WAS: variants seen among roughly 807,000 people sequenced by gnomAD.
The protein encoded by WAS is actin nucleation-promoting factor WAS.
Under a neutral mutation model 38.9 loss-of-function variants are expected in WAS, and 1 was observed. That is an observed-to-expected ratio of 0.03 (90% CI 0.01 to 0.12). The LOEUF is 0.12. WAS is among the 10% of genes least tolerant of loss of function. The probability of loss-of-function intolerance (pLI) is 1.00; values close to 1 mark genes in which losing one functional copy is unlikely to be tolerated. For missense variants in WAS, 311 were observed against 431.2 expected, an observed-to-expected ratio of 0.72 and a Z score of 2.47; for synonymous variants, 182 against 173.6, an observed-to-expected ratio of 1.05 and a Z score of -0.38.
chrX:48,686,340 G>C (rs938393716), intron 6 of WAS, among the ~76,000 whole-genome samples: 1 of 111,193 alleles, frequency 9.0e-6, no homozygotes, highest in African/African-American at 3.3e-5. Flanking sequence ...ATTGATGGGA[G>C]GATGAAAGTC....
upstream of WAS, among the ~76,000 whole-genome samples, chrX:48,682,140 G>A (rs1308239460): frequency 8.9e-6 from 1 of 112,185 alleles, no homozygotes; most frequent in African/African-American, 3.2e-5. Flanking sequence ...TCCCGTCTGA[G>A]AGTCTGCATG....
chrX:48,678,455 A>T (rs1344713556), intron 1 of WAS, among the ~76,000 whole-genome samples: 1 of 111,263 alleles, frequency 9.0e-6, no homozygotes, highest in Non-Finnish European at 1.9e-5. Context: ...AGGACCTTGT[A>T]GTCAATATCT....
In WAS at chrX:48,687,653, A is replaced by T. The variant is rs373438606; in HGVS notation, c.735-401A>T. 5.6e-4 allele frequency among the ~76,000 whole-genome samples: 62 copies of T among 109,995 alleles called. No homozygotes were observed. In the South Asian group the frequency reaches 0.023, roughly 40 times the overall value. ...CATGGGTAGAAAAATGAGTGGATGG[A>T]TAGATGGAAAGGTGGGCACATGGGT... On this transcript the variant is annotated intron_variant, in intron 7 of 11. Coordinates refer to ENST00000376701, the MANE Select transcript of WAS (RefSeq NM_000377.3).
chrX:48,680,905 A>G (rs190470285), upstream of WAS, among the ~76,000 whole-genome samples: 2 of 112,152 alleles, frequency 1.8e-5, no homozygotes, highest in Non-Finnish European at 3.8e-5. Context: ...ACCAGCAAAT[A>G]TATCAGAGGC....
In WAS at chrX:48,684,434, C is replaced by G; in HGVS notation, c.273+11C>G. ...CTTTACGGCCTTCAGGTGACCCCCC[C>G]ACCCCCGACTGGACTTGCAAGCCAG... On this transcript the variant is annotated intron_variant, in intron 2 of 11. Transcript: ENST00000376701. The G allele has an allele frequency of 2.5e-6, 3 of 1,202,714 alleles. No homozygotes were observed. Among genetic ancestry groups the G allele is most frequent in the Non-Finnish European group, 2.2e-6 (2 of 891,175 alleles).
intron 1 of WAS, among the ~76,000 whole-genome samples, chrX:48,677,623 CTG>C (rs1391326637): frequency 2.7e-5 from 3 of 111,985 alleles, no homozygotes; most frequent in Admixed American, 9.5e-5. Context: ...ACTCTGGACT[CTG>C]TGTTCTGACC....
chrX:48,683,885 G>C lies in WAS; in HGVS notation c.32G>C (p.Gly11Ala). Residue 11 changes from glycine (G) to alanine (A), a missense_variant, in exon 1 of 12, where the codon GGG (glycine) becomes GCG (alanine). Coordinates refer to ENST00000376701, the MANE Select transcript of WAS (RefSeq NM_000377.3). The part of the protein sequence containing the change: MSGGPMGGRP[G>A]GRGAPAVQQN... The stretch of plus-strand genomic sequence containing the variant: ...GGGGGCCCAATGGGAGGAAGGCCCG[G>C]GGGCCGAGGAGCACCAGCGGTTCAG... 1 of 1,211,645 alleles carries C rather than the reference G, an allele frequency of 8.3e-7. No individual in the cohort carries two copies. Among genetic ancestry groups the C allele is most frequent in the Non-Finnish European group, 1.1e-6 (1 of 895,438 alleles).
chrX:48,686,966 C>T lies in WAS; in HGVS notation c.734+11C>T, dbSNP rs371056209. 8.4e-7 allele frequency: 1 copy of T among 1,195,742 alleles called. No individual in the cohort carries two copies. The highest frequency in any genetic ancestry group is 1.8e-5 in the African/African-American group (1 of 56,966). On this transcript the variant is annotated intron_variant, in intron 7 of 11. Coordinates refer to ENST00000376701, the MANE Select transcript of WAS (RefSeq NM_000377.3). ...ACCCAGTGGATTCAAGTGAGAGCCA[C>T]TCCCCAGTGGACCCACAGATTCCTG...
upstream of WAS, chrX:48,683,714 C>A (rs782406499): frequency 8.1e-5 from 79 of 976,548 alleles, no homozygotes; most frequent in Non-Finnish European, 9.3e-5. Context: ...GCCAGGCCCA[C>A]CAAGGGGCCC....
chrX:48,676,870 A>G (rs1557005278), intron 1 of WAS: 2 of 112,826 alleles, frequency 1.8e-5, no homozygotes, highest in Non-Finnish European at 3.8e-5. Context: ...TGGAGAGTGC[A>G]GGTTGCCGGG....
Position 48,691,286 on chromosome X carries a change from C to T in WAS, c.*124C>T. On this transcript the variant is annotated 3_prime_UTR_variant, in exon 12 of 12. Coordinates refer to ENST00000376701, the MANE Select transcript of WAS (RefSeq NM_000377.3). ...CAACCCCCCATTTCTTCCCCACCAA[C>T]CCCTCCAATGCTGTTATCCCTGCCT... The T allele has an allele frequency of 9.4e-6, 6 of 638,635 alleles. No individual in the cohort carries two copies. Among genetic ancestry groups the T allele is most frequent in the Non-Finnish European group, 1.5e-5 (6 of 396,912 alleles). 52.6% of individuals were successfully genotyped at this position (638,635 alleles called of 1,213,427 possible).
Position 48,691,161 on chromosome X carries a change from G to A in WAS, c.1508G>A (p.Ter503=), listed in dbSNP as rs1241403780. The A allele has an allele frequency of 3.3e-6, 4 of 1,207,671 alleles. No homozygotes were observed. The highest frequency in any genetic ancestry group is 2.2e-5 in the Admixed American group (1 of 45,449). Residue 503 remains the stop codon, a stop_retained_variant, in exon 12 of 12, where the codon TGA becomes TAA. Coordinates refer to ENST00000376701, the MANE Select transcript of WAS (RefSeq NM_000377.3). ...DEDEDDEWDD[*] ...GATGAAGATGATGAATGGGATGACT[G>A]AGTGGCTGAGTTACTTGCTGCCCTG...
chrX:48,689,547 T>C, intron 11 of WAS, 113 bp downstream of exon 11: 1 of 630,797 alleles, frequency 1.6e-6, no homozygotes, highest in Admixed American at 2.8e-5. Context: ...TTTGACAGCA[T>C]TAACATGAAT....
chrX:48,682,235 G>T (rs782301829), upstream of WAS, among the ~76,000 whole-genome samples: 1 of 112,364 alleles, frequency 8.9e-6, no homozygotes, highest in Non-Finnish European at 1.9e-5. Context: ...CCAAAGGGCT[G>T]TTACAGGAGA....
intron 11 of WAS, among the ~76,000 whole-genome samples, chrX:48,690,386 G>C (rs1458794725): frequency 9.0e-6 from 1 of 111,046 alleles, no homozygotes; most frequent in African/African-American, 3.3e-5. Context: ...GGGCTCAAGC[G>C]ATCTGCCCCG....
chrX:48,686,103 C>T lies in WAS; in HGVS notation c.528C>T (p.Pro176=). The change falls in exon 6 of 12, where the codon CCC becomes CCT. Residue 176 remains proline (P), a synonymous_variant. Transcript: ENST00000376701. ...CAGAGAGAAGAGGAGGGCTCCCACC[C>T]CTGCCCCTGCATCCAGGTGGAGACC... ...ANEERRGGLP[P]LPLHPGGDQG... 1 of 1,212,213 alleles carries T rather than the reference C, an allele frequency of 8.2e-7. No individual in the cohort carries two copies. The highest frequency in any genetic ancestry group is 1.1e-6 in the Non-Finnish European group (1 of 895,578).
chrX:48,683,962 G>C lies in WAS; in HGVS notation c.109G>C (p.Glu37Gln). Residue 37 changes from glutamate to glutamine, a missense_variant, in exon 1 of 12, where the codon GAG (glutamate) becomes CAG (glutamine). Around this residue, in one of 4 missense-constraint regions of WAS, gnomAD observed 64 missense variants for 122.5 expected, o/e 0.52. Transcript: ENST00000376701. ...GGACCACGAGAACCAGCGACTCTTT[G>C]AGATGCTTGGACGAAAATGCTTGGT... is the stretch of plus-strand genomic sequence containing the variant. ...LQDHENQRLF[E>Q]MLGRKCLTLA... 8.3e-7 allele frequency: 1 copy of C among 1,211,046 alleles called. No homozygotes were observed.
chrX:48,685,354 A>AGTGT (rs1315394439), intron 2 of WAS, among the ~76,000 whole-genome samples, 193 bp from the exon 3 acceptor site: 1 of 111,253 alleles, frequency 9.0e-6, no homozygotes, highest in Non-Finnish European at 1.9e-5. Context: ...CTCTCACAAA[A>AGTGT]GTGTATGGCT....
intron 1 of WAS, among the ~76,000 whole-genome samples, chrX:48,677,280 C>T (rs1231509600): frequency 9.0e-6 from 1 of 110,548 alleles, no homozygotes; most frequent in Non-Finnish European, 1.9e-5. Flanking sequence ...ATACTGGCTT[C>T]CTGACCATCC....
Sources: allele counts gnomAD v4.1 joint callset (sites outside exome capture counted in the v4.1 genomes callset), GRCh38; gene constraint gnomAD v4.1.1; regional missense constraint gnomAD v4.1.1; transcripts MANE v1.5; gene names NCBI Gene and HGNC (gene_info 2026-07-23, HGNC 2026-07-21).